Variants in HYDIN observed in about 807,000 individuals in gnomAD.
The protein encoded by HYDIN is HYDIN axonemal central pair apparatus protein.
Under a neutral mutation model 403.9 loss-of-function variants are expected in HYDIN, and 132 were observed. The observed-to-expected ratio is 0.33, with a 90% CI of 0.28 to 0.38. HYDIN has a LOEUF of 0.38. HYDIN is among the 10% of genes least tolerant of loss of function. The pLI is 1.00. For missense variants in HYDIN, 2,827 were observed against 5,009.5 expected (o/e 0.56, Z 13.15); for synonymous variants, 1,202 against 1,891.7 (o/e 0.64, Z 9.46).
chr16:70,941,630 C>T lies in HYDIN; in HGVS notation c.6853+6G>A, dbSNP rs768834699. On this transcript the variant is annotated splice_donor_region_variant and intron_variant, in intron 43 of 85. Coordinates refer to ENST00000393567, the MANE Select transcript of HYDIN (RefSeq NM_001270974.2). ...TTAAGCCCAATGGAAAGGTAGGAGG[C>T]CTTGCCTTCTTGCTCCTTTTTGGCT... is the stretch of plus-strand genomic sequence containing the variant. 1 of 1,519,320 alleles carries T rather than the reference C, an allele frequency of 6.6e-7. No individual in the cohort carries two copies. The highest frequency in any genetic ancestry group is 8.8e-7 in the Non-Finnish European group (1 of 1,132,450). The allele number at this position is 1,519,320 out of a possible 1,614,324, so 94.1% of individuals were successfully genotyped here.
At chr16:71,199,547 C>T (rs901540009) in intron 1 of HYDIN, among the ~76,000 whole-genome samples, 1 of 152,148 alleles carries the variant, frequency 6.6e-6, no homozygotes, top group Non-Finnish European at 1.5e-5. Context: ...TGGGCCTCTA[C>T]CCTCCCCTAG....
chr16:71,217,558 A>G (rs2088952932), intron 1 of HYDIN, among the ~76,000 whole-genome samples: 5 of 152,196 alleles, frequency 3.3e-5, no homozygotes, highest in Admixed American at 3.3e-4. Flanking sequence ...TTAAAGGTCA[A>G]TGTCCTTTTG....
chr16:71,094,191 G>T, intron 10 of HYDIN, among the ~76,000 whole-genome samples: 1 of 151,856 alleles, frequency 6.6e-6, no homozygotes. Flanking sequence ...AAAAACAAAA[G>T]ACATTCTTTA....
chr16:71,185,485 A>G (rs61253848), intron 2 of HYDIN, among the ~76,000 whole-genome samples: 14,712 of 152,198 alleles, frequency 0.097, 2,356 homozygotes, highest in African/African-American at 0.33. Flanking sequence ...AATTGCAAAG[A>G]TCTAGGAAGT....
chr16:71,067,109 C>A (rs2082297647), intron 15 of HYDIN, 181 bp downstream of exon 15: 7 of 598,864 alleles, frequency 1.2e-5, no homozygotes, highest in Non-Finnish European at 2.1e-5. Flanking sequence ...CTTATCTCCA[C>A]CAAAGGTGCT....
chr16:71,227,465 A>G (rs147812162), intron 1 of HYDIN, among the ~76,000 whole-genome samples: 2 of 152,068 alleles, frequency 1.3e-5, no homozygotes, highest in East Asian at 1.9e-4. Context: ...CTTCAGCAAA[A>G]TCTCAGGATA....
At chr16:70,823,966 G>C (rs1251706476) in intron 83 of HYDIN, among the ~76,000 whole-genome samples, 2 of 148,538 alleles carry the variant, frequency 1.3e-5, no homozygotes. Flanking sequence ...GATTCGTCAT[G>C]AGTTTTCCTT....
intron 1 of HYDIN, among the ~76,000 whole-genome samples, chr16:71,229,861 T>C (rs2041204378): frequency 6.6e-6 from 1 of 152,168 alleles, no homozygotes; most frequent in South Asian, 2.1e-4. Flanking sequence ...CCAAATATCA[T>C]CTTGAATTAT....
chr16:71,133,717 G>A (rs1185670192), intron 8 of HYDIN, among the ~76,000 whole-genome samples: 2 of 152,188 alleles, frequency 1.3e-5, no homozygotes, highest in African/African-American at 4.8e-5. Context: ...TACAGTGAAC[G>A]TGATAAGAAT....
chr16:70,957,464 T>C (rs1462250517), intron 39 of HYDIN, among the ~76,000 whole-genome samples: 5 of 151,926 alleles, frequency 3.3e-5, no homozygotes, highest in African/African-American at 9.7e-5. Context: ...GTAGCTGGGA[T>C]TACAGGCGCC....
chr16:71,171,956 A>G (rs1286205117), intron 5 of HYDIN, among the ~76,000 whole-genome samples: 3 of 152,216 alleles, frequency 2.0e-5, no homozygotes, highest in Non-Finnish European at 2.9e-5. Flanking sequence ...TCCAGATAGA[A>G]CTGGGGAGGG....
chr16:70,905,777 C>G lies in HYDIN; in HGVS notation c.8516+1595G>C, dbSNP rs542424888. ...CCCAACATCCTGGTTAATTCCAATG[C>G]TGCCCCAAACATGTGCCTCTTTGAA... On this transcript the variant is annotated intron_variant, in intron 50 of 85. Coordinates refer to ENST00000393567, the MANE Select transcript of HYDIN (RefSeq NM_001270974.2). 4.3e-4 allele frequency among the ~76,000 whole-genome samples: 65 copies of G among 152,136 alleles called. 1 individual carries two copies. Among genetic ancestry groups the G allele is most frequent in the African/African-American group, 1.5e-3 (63 of 41,494 alleles).
chr16:70,921,593 GTCCAA>G (rs1171365611), intron 45 of HYDIN, among the ~76,000 whole-genome samples: 6 of 152,184 alleles, frequency 3.9e-5, no homozygotes, highest in Non-Finnish European at 5.9e-5. Context: ...GCGTGTAGTG[GTCCAA>G]TCCCAGCTGC....
intron 76 of HYDIN, among the ~76,000 whole-genome samples, chr16:70,839,583 G>A (rs1332744823): frequency 1.3e-5 from 2 of 151,108 alleles, no homozygotes; most frequent in Admixed American, 6.6e-5. Flanking sequence ...AGGTCTTTGG[G>A]CCAGCCCTTG....
intron 1 of HYDIN, among the ~76,000 whole-genome samples, chr16:71,214,638 G>A (rs1178915805): frequency 6.6e-6 from 1 of 152,200 alleles, no homozygotes; most frequent in Non-Finnish European, 1.5e-5. Context: ...GCCTGGAAGT[G>A]TGAAGGACAT....
chr16:70,922,976 C>T (rs2077041358), intron 45 of HYDIN, among the ~76,000 whole-genome samples: 1 of 151,780 alleles, frequency 6.6e-6, no homozygotes, highest in African/African-American at 2.4e-5. Context: ...CCATGTTGCC[C>T]AGGCTGGTCT....
chr16:71,009,563 A>G (rs185867910), intron 23 of HYDIN, among the ~76,000 whole-genome samples: 1 of 152,168 alleles, frequency 6.6e-6, no homozygotes, highest in Non-Finnish European at 1.5e-5. Context: ...CAAGATGTCC[A>G]TGTTTGAATC....
intron 10 of HYDIN, among the ~76,000 whole-genome samples, chr16:71,107,293 C>CATAATA (rs1312515792): frequency 6.8e-6 from 1 of 146,616 alleles, no homozygotes; most frequent in African/African-American, 2.5e-5. Flanking sequence ...GCACTTAAAG[C>CATAATA]ATAATAAAAA....
chr16:71,185,161 A>C (rs994371415), intron 2 of HYDIN, among the ~76,000 whole-genome samples, 171 bp from the exon 3 acceptor site: 10 of 152,170 alleles, frequency 6.6e-5, no homozygotes, highest in Non-Finnish European at 1.5e-5. Flanking sequence ...TAAGAGAAGT[A>C]CCCACGCACT....
Sources: gnomAD v4.1 joint callset for allele counts (sites outside exome capture counted in the v4.1 genomes callset) on GRCh38, gnomAD v4.1.1 for gene constraint, MANE v1.5 for transcripts, NCBI Gene and HGNC (gene_info 2026-07-23, HGNC 2026-07-21) for gene names.